The following SCHIP1 variants were observed in gnomAD, a reference collection of about 807,000 sequenced individuals.
The protein encoded by SCHIP1 is schwannomin-interacting protein 1.
Under a neutral mutation model 29.7 loss-of-function variants are expected in SCHIP1, and 8 were observed. That is an observed-to-expected ratio of 0.27 (90% CI 0.16 to 0.49). The LOEUF (loss-of-function observed/expected upper bound fraction) is 0.49. Among genes scored for constraint, SCHIP1 ranks in the 20% least tolerant of loss-of-function variants. The pLI is 0.99. For missense variants in SCHIP1, 193 were observed against 294.6 expected (o/e 0.66, Z 2.52); for synonymous variants, 76 against 94.9 (o/e 0.80, Z 1.16).
At chr3:159,369,269 A>G in the SCHIP1 span, among the ~76,000 whole-genome samples, 1 of 152,164 alleles carries the variant, frequency 6.6e-6, no homozygotes, top group Admixed American at 6.6e-5. Flanking sequence ...ATTTATTTTA[A>G]TAATTTATTT....
At chr3:159,312,740 C>A in the SCHIP1 span, among the ~76,000 whole-genome samples, 1 of 152,084 alleles carries the variant, frequency 6.6e-6, no homozygotes, top group Admixed American at 6.6e-5. Flanking sequence ...GTGCCTGGTC[C>A]AACTTAACAG....
At chr3:159,296,480 TCTG>T in the SCHIP1 span, among the ~76,000 whole-genome samples, 4 of 152,196 alleles carry the variant, frequency 2.6e-5, no homozygotes, top group African/African-American at 9.6e-5. Flanking sequence ...ACACTTAAAA[TCTG>T]CTCTCTCAGG....
At chr3:159,793,488 A>G in the SCHIP1 span, among the ~76,000 whole-genome samples, 14 of 152,308 alleles carry the variant, frequency 9.2e-5, no homozygotes, top group East Asian at 2.7e-3. Context: ...ATTATTTTAT[A>G]CTTCTGAAGG....
chr3:159,853,893 A>T (rs1560083360), intron 1 of SCHIP1, among the ~76,000 whole-genome samples: 1 of 152,262 alleles, frequency 6.6e-6, no homozygotes, highest in Non-Finnish European at 1.5e-5. Flanking sequence ...TGGGGTTTTT[A>T]AAAGTTGATA....
the SCHIP1 span, among the ~76,000 whole-genome samples, chr3:159,535,621 T>C: frequency 6.6e-6 from 1 of 152,216 alleles, no homozygotes; most frequent in Non-Finnish European, 1.5e-5. Context: ...GACCTGTGGG[T>C]AATAGAGTAA....
chr3:159,721,132 CAAATATGTG>C, the SCHIP1 span, among the ~76,000 whole-genome samples: 1 of 152,002 alleles, frequency 6.6e-6, no homozygotes, highest in Non-Finnish European at 1.5e-5. Context: ...GAACCCATTT[CAAATATGTG>C]AAAGTAGAAG....
chr3:159,438,415 C>T, the SCHIP1 span, among the ~76,000 whole-genome samples: 1 of 152,124 alleles, frequency 6.6e-6, no homozygotes, highest in East Asian at 1.9e-4. Context: ...CTTCTACCCC[C>T]GTTCCCTGCA....
chr3:159,891,869 C>A (rs1191678437), intron 5 of SCHIP1, among the ~76,000 whole-genome samples: 1 of 152,198 alleles, frequency 6.6e-6, no homozygotes, highest in African/African-American at 2.4e-5. Context: ...CTTTTCCCAC[C>A]TTAATATGAA....
chr3:159,567,587 C>A, the SCHIP1 span, among the ~76,000 whole-genome samples: 1 of 152,144 alleles, frequency 6.6e-6, no homozygotes, highest in African/African-American at 2.4e-5. Flanking sequence ...TTAAGCTCCA[C>A]ATATGTGTTT....
chr3:159,488,012 G>T, the SCHIP1 span, among the ~76,000 whole-genome samples: 33 of 152,292 alleles, frequency 2.2e-4, no homozygotes, highest in Admixed American at 2.0e-4. Context: ...GGCAGGAATT[G>T]TGCTTTTTCC....
chr3:159,536,061 C>T, the SCHIP1 span, among the ~76,000 whole-genome samples: 2 of 152,246 alleles, frequency 1.3e-5, no homozygotes, highest in East Asian at 1.9e-4. Context: ...AGCTCAATAG[C>T]CATATTTCAA....
chr3:159,859,676 C>T (rs922895732), intron 1 of SCHIP1, among the ~76,000 whole-genome samples: 2 of 152,248 alleles, frequency 1.3e-5, no homozygotes, highest in Non-Finnish European at 2.9e-5. Flanking sequence ...ATGAAATCCA[C>T]CTGGCTTCAG....
At chr3:159,337,664 C>T in the SCHIP1 span, among the ~76,000 whole-genome samples, 1 of 152,070 alleles carries the variant, frequency 6.6e-6, no homozygotes, top group Non-Finnish European at 1.5e-5. Context: ...GTCTTCTAAT[C>T]ATGTTTCTGT....
At chr3:159,391,561 C>T in the SCHIP1 span, among the ~76,000 whole-genome samples, 1 of 152,268 alleles carries the variant, frequency 6.6e-6, no homozygotes, top group South Asian at 2.1e-4. Context: ...ACTCAATGTA[C>T]TTTTGTTTCA....
the SCHIP1 span, among the ~76,000 whole-genome samples, chr3:159,782,580 T>C: frequency 2.0e-5 from 3 of 152,232 alleles, no homozygotes; most frequent in African/African-American, 7.2e-5. Flanking sequence ...CTTTATGCCT[T>C]TCTTTCTGCC....
At chr3:159,836,166 A>G (rs537510624), upstream of SCHIP1, among the ~76,000 whole-genome samples, 3 of 152,324 alleles carry the variant, frequency 2.0e-5, no homozygotes, top group African/African-American at 7.2e-5. Flanking sequence ...CTGCTGTAAT[A>G]AAATATCATA....
chr3:159,896,844 T>C, exon 7 of SCHIP1: 1 of 1,493,256 alleles, frequency 6.7e-7, no homozygotes, highest in Non-Finnish European at 9.0e-7. Context: ...ATGCTGTTGC[T>C]AAAGGTGGCG....
the SCHIP1 span, among the ~76,000 whole-genome samples, chr3:159,674,413 G>T: frequency 1.3e-5 from 2 of 152,040 alleles, no homozygotes; most frequent in African/African-American, 4.8e-5. Context: ...CCCATGCAGA[G>T]TGCCCAGGGG....
the SCHIP1 span, among the ~76,000 whole-genome samples, chr3:159,796,621 A>G: frequency 6.6e-6 from 1 of 152,208 alleles, no homozygotes; most frequent in Non-Finnish European, 1.5e-5. Flanking sequence ...TTAGTTCATG[A>G]TCATGATGGT....
Sources: gnomAD v4.1 joint callset for allele counts (sites outside exome capture counted in the v4.1 genomes callset) on GRCh38, gnomAD v4.1.1 for gene constraint, MANE v1.5 for transcripts, NCBI Gene and HGNC (gene_info 2026-07-23, HGNC 2026-07-21) for gene names.